The following STARD10 variants were observed in gnomAD, a reference collection of about 807,000 sequenced individuals.
STARD10 encodes the protein START domain-containing protein 10.
STARD10 carries 24 observed loss-of-function variants against 36.0 expected under a neutral mutation model. The ratio of observed to expected loss-of-function variants is 0.67; its 90% CI spans 0.48 to 0.94. The LOEUF (loss-of-function observed/expected upper bound fraction) is 0.94, where lower values mean the gene tolerates loss of function less well. Ranked by LOEUF, STARD10 falls within the 40% of genes least tolerant of loss-of-function variation. STARD10 has a pLI of 0.00. For missense variants in STARD10, 335 were observed against 396.6 expected (o/e 0.84, Z 1.32); for synonymous variants, 156 against 161.9 (o/e 0.96, Z 0.28).
rs147873476 is a variant in STARD10, at chr11:72,761,496, C to T, written c.208-2115G>A. ...AATAGGTTGGGCGCGGTGGCTCATA[C>T]CTGTCATCCCAGCACTTTTGGAGGC... On this transcript the variant is annotated intron_variant, in intron 2 of 6. Coordinates refer to ENST00000334805, the MANE Select transcript of STARD10 (RefSeq NM_006645.3). Among the ~76,000 whole-genome samples, 626 of 152,280 alleles carry T rather than the reference C, an allele frequency of 4.1e-3. 7 individuals carry two copies. Among genetic ancestry groups the T allele is most frequent in the Admixed American group, 9.0e-3 (138 of 15,288 alleles).
chr11:72,784,403 A>G (rs765731056), intron 1 of STARD10, among the ~76,000 whole-genome samples: 9 of 152,198 alleles, frequency 5.9e-5, no homozygotes, highest in Non-Finnish European at 1.2e-4. Context: ...CTCATCTGGA[A>G]TAATAATACC....
intron 1 of STARD10, among the ~76,000 whole-genome samples, chr11:72,789,171 G>A (rs551007965): frequency 9.8e-5 from 15 of 152,332 alleles, no homozygotes; most frequent in Admixed American, 8.5e-4. Flanking sequence ...TAAGTTGGGT[G>A]GACTAATAGA....
chr11:72,755,674 C>A (rs370745992), intron 6 of STARD10, 27 bp downstream of exon 6: 2 of 1,613,098 alleles, frequency 1.2e-6, no homozygotes, highest in African/African-American at 1.3e-5. Context: ...CTTCAACACC[C>A]CTCCCCAAAA....
At position 72,781,244 on chromosome 11, in the gene STARD10, G is replaced by T; in HGVS notation, c.-63C>A. ...CGGCTCTCCTGGGTCCTCCGCGGAG[G>T]CTCCGACAACGTCGACGCGGCTGCA... On this transcript the variant is annotated 5_prime_UTR_variant, in exon 2 of 7. Transcript: ENST00000334805. This position sits in a 1 kb window ranked among gnomAD's most constrained non-coding sequence, Gnocchi z 4.7. The T allele has an allele frequency of 6.8e-7, 1 of 1,469,462 alleles. No homozygotes were observed. The allele number at this position is 1,469,462 out of a possible 1,614,324, so 91.0% of individuals were successfully genotyped here.
Position 72,759,398 on chromosome 11 carries a change from T to C in STARD10, c.208-17A>G. ...CATCCGGCACTGCAGACAAGATATA[T>C]GGGTTGTCAGGATCATATGGGGCTC... is the stretch of plus-strand genomic sequence containing the variant. On this transcript the variant is annotated splice_polypyrimidine_tract_variant and intron_variant, in intron 2 of 6. Transcript: ENST00000334805. The C allele has an allele frequency of 1.9e-6, 3 of 1,613,872 alleles. No homozygotes were observed. The highest frequency in any genetic ancestry group is 2.5e-6 in the Non-Finnish European group (3 of 1,179,896).
At chr11:72,756,009 G>C in intron 5 of STARD10, 1 of 400,832 alleles carries the variant, frequency 2.5e-6, no homozygotes, top group Non-Finnish European at 4.5e-6. Context: ...CAGGGTCCTA[G>C]GTAAGCACAG....
chr11:72,759,443 C>A, intron 2 of STARD10, 62 bp from the exon 3 acceptor site: 1 of 1,595,014 alleles, frequency 6.3e-7, no homozygotes, highest in Non-Finnish European at 8.6e-7. Flanking sequence ...GCCAGGGGAC[C>A]AGAAGGCAGA....
intron 2 of STARD10, among the ~76,000 whole-genome samples, chr11:72,778,437 G>C (rs976315829): frequency 2.0e-5 from 3 of 152,218 alleles, no homozygotes; most frequent in African/African-American, 7.2e-5. Context: ...TGGAACCTGG[G>C]AGTCCTGCAA....
At chr11:72,772,075 C>T (rs889845707) in intron 2 of STARD10, among the ~76,000 whole-genome samples, 1 of 152,252 alleles carries the variant, frequency 6.6e-6, no homozygotes, top group Non-Finnish European at 1.5e-5. Flanking sequence ...GGGCAGCCCA[C>T]GGATGTCTCC....
rs769338513 is a variant in STARD10 at position 72,757,877 on chromosome 11, G to T, written c.467C>A (p.Pro156Gln). ...MNYSVKHPKY[P>Q]PRKDLVRAVS... ...AGCTCGGACCAAGTCTTTCCGAGGT[G>T]GGTATTTCTGGGGATGGAAGGCACA... The change falls in exon 5 of 7, where the codon CCA becomes CAA. Residue 156 changes from proline to glutamine, a missense_variant. Transcript: ENST00000334805. 6.2e-7 allele frequency: 1 copy of T among 1,614,146 alleles called. No individual in the cohort carries two copies.
intron 2 of STARD10, among the ~76,000 whole-genome samples, chr11:72,767,705 G>T (rs2135616341): frequency 6.6e-6 from 1 of 152,310 alleles, no homozygotes. Context: ...CAAACCTGAA[G>T]CACCTGTCGC....
At chr11:72,756,915 G>A (rs879154194) in intron 5 of STARD10, among the ~76,000 whole-genome samples, 2 of 152,120 alleles carry the variant, frequency 1.3e-5, no homozygotes, top group Non-Finnish European at 1.5e-5. Flanking sequence ...GGAGGCCAAG[G>A]TGGGTGGATC....
At chr11:72,786,720 C>T (rs970454797) in intron 1 of STARD10, among the ~76,000 whole-genome samples, 2 of 152,226 alleles carry the variant, frequency 1.3e-5, no homozygotes, top group Non-Finnish European at 2.9e-5. Context: ...CACAGCTACA[C>T]ACACTTGATC....
intron 1 of STARD10, among the ~76,000 whole-genome samples, chr11:72,787,962 G>A (rs1859095171): frequency 6.6e-6 from 1 of 152,182 alleles, no homozygotes; most frequent in African/African-American, 2.4e-5. Context: ...GGGACTCTGG[G>A]GAGGGCTCAG....
intron 4 of STARD10, 126 bp downstream of exon 4, chr11:72,758,404 G>T: frequency 1.4e-6 from 1 of 737,704 alleles, no homozygotes. Flanking sequence ...CACTGTACAG[G>T]AAGGAAACTG....
At chr11:72,760,846 C>G (rs2135610899) in intron 2 of STARD10, among the ~76,000 whole-genome samples, 1 of 151,626 alleles carries the variant, frequency 6.6e-6, no homozygotes, top group Middle Eastern at 3.4e-3. Context: ...CCCAAGTGCC[C>G]TATCCCCAAG....
rs760513932 is a variant in STARD10 at position 72,759,314 on chromosome 11, C to A, written c.275G>T (p.Arg92Leu). The A allele has an allele frequency of 6.2e-7, 1 of 1,613,964 alleles. No individual in the cohort carries two copies. The highest frequency in any genetic ancestry group is 1.7e-5 in the Admixed American group (1 of 59,988). ...AATGACGTTGCTGTCCCATTTCTTG[C>A]GGTACTCAATGTCGTGTAGGACGTC... Reference protein sequence around the residue: ...LYDVLHDIEYRKKWDSNVIET... With the variant: ...LYDVLHDIEYLKKWDSNVIET... Residue 92 changes from arginine to leucine, a missense_variant, in exon 3 of 7, where the codon CGC becomes CTC. Transcript: ENST00000334805.
chr11:72,766,462 G>A (rs1024922523), intron 2 of STARD10, among the ~76,000 whole-genome samples: 53 of 152,314 alleles, frequency 3.5e-4, no homozygotes, highest in Middle Eastern at 6.8e-3. Context: ...ATGGTAGAGT[G>A]CACCTGAGCC....
chr11:72,762,215 T>G (rs145575529), intron 2 of STARD10, among the ~76,000 whole-genome samples: 14,923 of 151,922 alleles, frequency 0.098, 837 homozygotes, highest in South Asian at 0.21. Flanking sequence ...TGTGAGCCAC[T>G]GTGCCCGGCC....
Sources: allele counts gnomAD v4.1 joint callset (sites outside exome capture counted in the v4.1 genomes callset), GRCh38; gene constraint gnomAD v4.1.1; non-coding constraint Gnocchi (gnomAD v3.1); transcripts MANE v1.5; gene names NCBI Gene and HGNC (gene_info 2026-07-23, HGNC 2026-07-21).